The following ADRA1D variants were observed in gnomAD, a reference collection of about 807,000 sequenced individuals.
The protein encoded by ADRA1D is adrenoceptor alpha 1D, also known as alpha-1D adrenergic receptor.
In ADRA1D, 22 loss-of-function variants were observed where a neutral mutation model predicts 18.6. The ratio of observed to expected loss-of-function variants is 1.19; its 90% CI spans 0.85 to 1.69. The LOEUF (loss-of-function observed/expected upper bound fraction) is 1.69, where lower values mean the gene tolerates loss of function less well. ADRA1D is among the 40% of genes most tolerant of loss of function. The pLI is 0.00. For missense variants in ADRA1D, 840 were observed against 840.7 expected, an observed-to-expected ratio of 1.00 and a Z score of 0.01; for synonymous variants, 376 against 388.2, an observed-to-expected ratio of 0.97 and a Z score of 0.37.
Position 4,248,589 on chromosome 20 carries a change from G to A in ADRA1D, c.369C>T (p.Cys123=). 1 of 1,613,634 alleles carries A rather than the reference G, an allele frequency of 6.2e-7. No individual in the cohort carries two copies. The highest frequency in any genetic ancestry group is 8.5e-7 in the Non-Finnish European group (1 of 1,179,950). The stretch of plus-strand genomic sequence containing the variant: ...TGGTGACGGTCTGCAGGTGGCGGTT[G>A]CAGGCCACTGAGAGGATGACAAGCA... ...GNLLVILSVA[C]NRHLQTVTNY... is the part of the protein sequence containing the mutation. The change falls in exon 1 of 2, where the codon TGC becomes TGT. Residue 123 remains cysteine (C), a synonymous_variant. Coordinates refer to ENST00000379453, the MANE Select transcript of ADRA1D (RefSeq NM_000678.4).
intron 1 of ADRA1D, among the ~76,000 whole-genome samples, chr20:4,226,839 G>A (rs924925132): frequency 1.3e-5 from 2 of 152,210 alleles, no homozygotes; most frequent in African/African-American, 4.8e-5. Context: ...TCCAGATTCC[G>A]CAGGCAGCGG....
rs1234826610 is a variant in ADRA1D, at chr20:4,249,269, C to A, written c.-312G>T. Among the ~76,000 whole-genome samples the A allele has an allele frequency of 6.6e-6, 1 of 151,996 alleles. No individual in the cohort carries two copies. Among genetic ancestry groups the A allele is most frequent in the Non-Finnish European group, 1.5e-5 (1 of 67,954 alleles). On this transcript the variant is annotated 5_prime_UTR_variant, in exon 1 of 2. Coordinates refer to ENST00000379453, the MANE Select transcript of ADRA1D (RefSeq NM_000678.4). ...CTCCGGGGCCGGGCGGTGCAGGCAG[C>A]GGCCACTGCGGCGCTCCCAACTCGG...
At chr20:4,242,165 T>C (rs1036142576) in intron 1 of ADRA1D, among the ~76,000 whole-genome samples, 3 of 152,226 alleles carry the variant, frequency 2.0e-5, no homozygotes, top group Non-Finnish European at 4.4e-5. Context: ...AATCAAAAGG[T>C]GTGTACACCT....
rs573608095 is a variant in ADRA1D, at chr20:4,245,719, G to A, written c.1111+2128C>T. Among the ~76,000 whole-genome samples, 7 of 152,326 alleles carry A rather than the reference G, an allele frequency of 4.6e-5. No individual in the cohort carries two copies. In the East Asian group the frequency reaches 1.4e-3, roughly 29 times the overall value. On this transcript the variant is annotated intron_variant, in intron 1 of 1. Coordinates refer to ENST00000379453, the MANE Select transcript of ADRA1D (RefSeq NM_000678.4). ...GGCCCAGTGTGAACCGAGGGGCAGG[G>A]GTTGAATGAGGGCACCCAGGAGCCC...
chr20:4,235,717 G>A (rs915643085), intron 1 of ADRA1D, among the ~76,000 whole-genome samples: 1 of 152,252 alleles, frequency 6.6e-6, no homozygotes, highest in African/African-American at 2.4e-5. Context: ...TGAGCCGCCT[G>A]GGCTTTGCCC....
Position 4,248,736 on chromosome 20 carries a change from GC to G in ADRA1D, c.221del (p.Ser74ThrfsTer8). The G allele has an allele frequency of 6.5e-7, 1 of 1,533,614 alleles. No homozygotes were observed. On this transcript the variant is annotated frameshift_variant, in exon 1 of 2. Coordinates refer to ENST00000379453, the MANE Select transcript of ADRA1D (RefSeq NM_000678.4). LOFTEE classifies it high-confidence loss of function. ...CATTCACGTCGCCGCCCGCGCCCGC[GC>G]TCCCCGGCTCCCCCGCGGAGCTCCG... The part of the protein sequence containing the change: ...DNRSSAGEPG[S>X]AGAGGDVNGT...
At position 4,238,381 on chromosome 20, in the gene ADRA1D, G is replaced by C. The variant is rs1010098236; in HGVS notation, c.1111+9466C>G. 2.0e-5 allele frequency among the ~76,000 whole-genome samples: 3 copies of C among 152,292 alleles called. No homozygotes were observed. The East Asian group carries it at 5.8e-4, about 29-fold the overall frequency. On this transcript the variant is annotated intron_variant, in intron 1 of 1. Coordinates refer to ENST00000379453, the MANE Select transcript of ADRA1D (RefSeq NM_000678.4). ...GGAGGAAAAGACTACAGTGCTAAGT[G>C]GGGGAAGGCTGAGGACAAAAGGGTC...
intron 1 of ADRA1D, among the ~76,000 whole-genome samples, chr20:4,229,212 C>G (rs1980898230): frequency 6.6e-6 from 1 of 152,180 alleles, no homozygotes; most frequent in African/African-American, 2.4e-5. Flanking sequence ...GACTTTACAG[C>G]TCAGACCTCT....
At chr20:4,245,060 G>C (rs1357974704) in intron 1 of ADRA1D, among the ~76,000 whole-genome samples, 1 of 152,258 alleles carries the variant, frequency 6.6e-6, no homozygotes, top group Admixed American at 6.5e-5. Context: ...CCAGCAAGGA[G>C]CAAAGGTCAT....
chr20:4,224,716 G>A (rs1302058454), intron 1 of ADRA1D, among the ~76,000 whole-genome samples: 1 of 100,026 alleles, frequency 1.0e-5, no homozygotes, highest in African/African-American at 3.2e-5. Context: ...GCCAGGGGTA[G>A]GGGGGGGTCC....
Position 4,221,866 on chromosome 20 carries a change from C to T in ADRA1D, c.1376G>A (p.Gly459Glu), listed in dbSNP as rs890290865. 4 of 1,463,816 alleles carry T rather than the reference C, an allele frequency of 2.7e-6. No homozygotes were observed. Among genetic ancestry groups the T allele is most frequent in the Non-Finnish European group, 3.6e-6 (4 of 1,116,914 alleles). The allele number at this position is 1,463,816 out of a possible 1,614,324, so 90.7% of individuals were successfully genotyped here. The change falls in exon 2 of 2, where the codon GGA becomes GAA. Residue 459 changes from glycine to glutamate, a missense_variant. By Grantham distance (98) the Gly-to-Glu change is moderately conservative. Coordinates refer to ENST00000379453, the MANE Select transcript of ADRA1D (RefSeq NM_000678.4). The stretch of plus-strand genomic sequence containing the variant: ...GAGCGCGGTGAGGGCCAGCGGCGCT[C>T]CGGGGGGCGCGTCGCCCGAACTCGG... ...CAPSSGDAPP[G>E]APLALTALPD...
rs1195482977 is a variant in ADRA1D at position 4,224,748 on chromosome 20, T to C, written c.1112-2618A>G. Among the ~76,000 whole-genome samples, 8 of 134,222 alleles carry C rather than the reference T, an allele frequency of 6.0e-5. No homozygotes were observed. In the Admixed American group the frequency reaches 6.1e-4, roughly 10 times the overall value. 88.1% of individuals were successfully genotyped at this position (134,222 alleles called of 152,430 possible). On this transcript the variant is annotated intron_variant, in intron 1 of 1. Coordinates refer to ENST00000379453, the MANE Select transcript of ADRA1D (RefSeq NM_000678.4). The stretch of plus-strand genomic sequence containing the variant: ...GTCCTTAACAAATTATGGGACCTTC[T>C]CTCTCTTCCTCTTGCCTTCAAAAAA...
chr20:4,233,324 G>A (rs980725340), intron 1 of ADRA1D, among the ~76,000 whole-genome samples: 5 of 151,718 alleles, frequency 3.3e-5, no homozygotes, highest in African/African-American at 1.2e-4. Flanking sequence ...AGCCAGGTGT[G>A]GTGGTGCACA....
chr20:4,243,042 GT>G (rs1981254187), intron 1 of ADRA1D, among the ~76,000 whole-genome samples: 1 of 152,144 alleles, frequency 6.6e-6, no homozygotes, highest in Non-Finnish European at 1.5e-5. Flanking sequence ...CTTCTCTGCA[GT>G]TGGGTGCTTG....
chr20:4,246,413 G>A (rs907360853), intron 1 of ADRA1D, among the ~76,000 whole-genome samples: 3 of 152,344 alleles, frequency 2.0e-5, no homozygotes, highest in South Asian at 2.1e-4. Flanking sequence ...AAAGGATAGA[G>A]TTGGCCAGGA....
At chr20:4,231,841 C>A (rs978836532) in intron 1 of ADRA1D, among the ~76,000 whole-genome samples, 1 of 152,212 alleles carries the variant, frequency 6.6e-6, no homozygotes, top group African/African-American at 2.4e-5. Flanking sequence ...TCAGGAGGCA[C>A]AGCCACTCCC....
At chr20:4,224,234 A>T (rs1165675835) in intron 1 of ADRA1D, among the ~76,000 whole-genome samples, 17 of 152,166 alleles carry the variant, frequency 1.1e-4, no homozygotes, top group Admixed American at 1.0e-3. Flanking sequence ...CTCCATAAAC[A>T]CACTGCTCAT....
chr20:4,235,759 A>C (rs1042673993), intron 1 of ADRA1D, among the ~76,000 whole-genome samples: 8 of 152,388 alleles, frequency 5.2e-5, no homozygotes, highest in Non-Finnish European at 1.0e-4. Flanking sequence ...CAGAGACTCA[A>C]GACCCTGTTC....
At chr20:4,245,063 A>T (rs1981303424) in intron 1 of ADRA1D, among the ~76,000 whole-genome samples, 1 of 152,248 alleles carries the variant, frequency 6.6e-6, no homozygotes. Flanking sequence ...GCAAGGAGCA[A>T]AGGTCATGGA....
Sources: gnomAD v4.1 joint callset for allele counts (sites outside exome capture counted in the v4.1 genomes callset) on GRCh38, gnomAD v4.1.1 for gene constraint, MANE v1.5 for transcripts, NCBI Gene and HGNC (gene_info 2026-07-23, HGNC 2026-07-21) for gene names.